The following GBP4 variants were observed in gnomAD, a reference collection of about 807,000 sequenced individuals.
The protein encoded by GBP4 is guanylate binding protein 4.
GBP4 carries 69 observed loss-of-function variants against 62.2 expected under a neutral mutation model. The observed-to-expected ratio is 1.11, with a 90% CI of 0.91 to 1.36. The LOEUF (loss-of-function observed/expected upper bound fraction) is 1.36. Ranked by LOEUF, GBP4 falls within the 40% of genes most tolerant of loss-of-function variation. The pLI is 0.00. For missense variants in GBP4, 697 were observed against 759.3 expected (o/e 0.92, Z 0.96); for synonymous variants, 278 against 274.6 (o/e 1.01, Z -0.12).
At position 89,191,464 on chromosome 1, in the gene GBP4, C is replaced by T. The variant is rs776679511; in HGVS notation, c.713G>A (p.Cys238Tyr). The change falls in exon 6 of 11, where the codon TGT (cysteine) becomes TAT (tyrosine). Residue 238 changes from cysteine (C) to tyrosine (Y), a missense_variant. Cys to Tyr is a radical substitution (Grantham distance 194). Around this residue, in one of 2 missense-constraint regions of GBP4, gnomAD observed 556 missense variants for 562.7 expected, o/e 0.99. Coordinates refer to ENST00000355754, the MANE Select transcript of GBP4 (RefSeq NM_052941.5). ...KIQNSNMPRECIRHFFRKRKC... is the reference protein window; with the variant it reads ...KIQNSNMPREYIRHFFRKRKC... ...CCGTTTTCGGAAGAAATGCCTGATA[C>T]ACTCTCTAGGCATGTTTGAATTTTG... The T allele has an allele frequency of 1.2e-6, 2 of 1,613,718 alleles. No individual in the cohort carries two copies. The highest frequency in any genetic ancestry group is 1.7e-6 in the Non-Finnish European group (2 of 1,179,556).
intron 9 of GBP4, 39 bp from the exon 10 acceptor site, chr1:89,186,565 G>A: frequency 6.3e-7 from 1 of 1,582,774 alleles, no homozygotes; most frequent in Non-Finnish European, 8.6e-7. Context: ...GAAAATGACA[G>A]TTATTCCTGA....
chr1:89,197,079 T>C, intron 2 of GBP4, 31 bp downstream of exon 2: 1 of 1,572,850 alleles, frequency 6.4e-7, no homozygotes, highest in Non-Finnish European at 8.7e-7. Flanking sequence ...TGGTTCCAAG[T>C]AAATGGCTCC....
rs958211425 is a variant in GBP4, at chr1:89,187,656, T to C, written c.1411-554A>G. ...CAAAAATAAACACTCAAAAAACCAATAAATATATTAAAAAATGAGCAAAGA... is the reference window on the plus strand; with the variant it reads ...CAAAAATAAACACTCAAAAAACCAACAAATATATTAAAAAATGAGCAAAGA... On this transcript the variant is annotated intron_variant, in intron 8 of 10. Coordinates refer to ENST00000355754, the MANE Select transcript of GBP4 (RefSeq NM_052941.5). Among the ~76,000 whole-genome samples the C allele has an allele frequency of 3.3e-5, 5 of 151,812 alleles. No homozygotes were observed. The South Asian group carries it at 8.3e-4, about 25-fold the overall frequency.
At chr1:89,195,080 T>G (rs770480782) in intron 3 of GBP4, among the ~76,000 whole-genome samples, 117 of 152,356 alleles carry the variant, frequency 7.7e-4, no homozygotes, top group South Asian at 3.3e-3. Context: ...ACATATTTAT[T>G]AAATTATATC....
intron 8 of GBP4, among the ~76,000 whole-genome samples, chr1:89,187,615 T>C (rs1648070257): frequency 6.6e-6 from 1 of 151,684 alleles, no homozygotes; most frequent in Non-Finnish European, 1.5e-5. Flanking sequence ...CAAAAGGAAA[T>C]CATATAACTA....
intron 2 of GBP4, among the ~76,000 whole-genome samples, 197 bp downstream of exon 2, chr1:89,196,913 G>A (rs530442632): frequency 7.9e-4 from 121 of 152,326 alleles, no homozygotes; most frequent in East Asian, 1.4e-3. Flanking sequence ...CGGATCTTTC[G>A]ATAGGGTTGA....
chr1:89,189,026 G>C (rs1648114020), intron 7 of GBP4, among the ~76,000 whole-genome samples: 1 of 152,218 alleles, frequency 6.6e-6, no homozygotes, highest in Non-Finnish European at 1.5e-5. Context: ...GTGGTTAGAA[G>C]ACATAAACTC....
chr1:89,194,514 G>T (rs1025039616), intron 3 of GBP4, among the ~76,000 whole-genome samples: 2 of 152,110 alleles, frequency 1.3e-5, no homozygotes, highest in African/African-American at 4.8e-5. Context: ...TTGCTAAGTT[G>T]GTGCTTCCTT....
chr1:89,189,581 C>T (rs1648125534), intron 7 of GBP4, among the ~76,000 whole-genome samples: 1 of 152,168 alleles, frequency 6.6e-6, no homozygotes, highest in Admixed American at 6.5e-5. Flanking sequence ...TCACATGAGC[C>T]CCTTAAAAGT....
chr1:89,193,917 G>C (rs945170798), intron 3 of GBP4, among the ~76,000 whole-genome samples: 1 of 152,124 alleles, frequency 6.6e-6, no homozygotes, highest in Non-Finnish European at 1.5e-5. Context: ...AATCACTGCT[G>C]GGGGAGGAAA....
At chr1:89,194,353 TTATGTTTTGA>T (rs554704373) in intron 3 of GBP4, among the ~76,000 whole-genome samples, 1 of 152,160 alleles carries the variant, frequency 6.6e-6, no homozygotes, top group Non-Finnish European at 1.5e-5. Context: ...TGCCATCAGT[TTATGTTTTGA>T]TATGTTTTGA....
chr1:89,187,208 G>A (rs1648059566), intron 8 of GBP4, 106 bp from the exon 9 acceptor site: 1 of 867,080 alleles, frequency 1.2e-6, no homozygotes, highest in African/African-American at 1.7e-5. Context: ...TGTAAACTTT[G>A]CATAATTCTT....
rs991599312 is a variant in GBP4, at chr1:89,184,057, A to C, written c.*1197T>G. 2.4e-4 allele frequency: 36 copies of C among 152,246 alleles called. No individual in the cohort carries two copies. Among genetic ancestry groups the C allele is most frequent in the African/African-American group, 8.7e-4 (36 of 41,470 alleles). The allele number at this position is 152,246 out of a possible 1,614,324, so 9.4% of individuals were successfully genotyped here. On this transcript the variant is annotated 3_prime_UTR_variant, in exon 11 of 11. Transcript: ENST00000355754. ...ACCCCATTAAAAAGAAAGTGGGCAA[A>C]GAACATGAACACATTTCAAAAGAAG...
At chr1:89,187,724 A>G (rs1338660493) in intron 8 of GBP4, among the ~76,000 whole-genome samples, 1 of 152,232 alleles carries the variant, frequency 6.6e-6, no homozygotes, top group East Asian at 1.9e-4. Flanking sequence ...GCCAACAGGT[A>G]TGTGAAAGCA....
At position 89,190,264 on chromosome 1, in the gene GBP4, G is replaced by C; in HGVS notation, c.971C>G (p.Pro324Arg). The C allele has an allele frequency of 6.2e-7, 1 of 1,614,060 alleles. No homozygotes were observed. The highest frequency in any genetic ancestry group is 1.1e-5 in the South Asian group (1 of 91,074). ...TGCTGTCACTGCATTCTCCAGACAA[G>C]GTACTGCTCCACTGTTGATGGCATC... is the stretch of plus-strand genomic sequence containing the variant. ...YVDAINSGAV[P>R]CLENAVTALA... Residue 324 changes from proline to arginine, a missense_variant, in exon 7 of 11, where the codon CCT becomes CGT. Coordinates refer to ENST00000355754, the MANE Select transcript of GBP4 (RefSeq NM_052941.5).
At chr1:89,187,389 G>T (rs947941358) in intron 8 of GBP4, among the ~76,000 whole-genome samples, 1 of 151,982 alleles carries the variant, frequency 6.6e-6, no homozygotes, top group African/African-American at 2.4e-5. Flanking sequence ...CAGACAACCC[G>T]ACAACATAAA....
rs755443191 is a variant in GBP4 at position 89,190,330 on chromosome 1, A to G, written c.917-12T>C. The G allele has an allele frequency of 2.7e-5, 43 of 1,564,334 alleles. No homozygotes were observed. Among genetic ancestry groups the G allele is most frequent in the Non-Finnish European group, 3.6e-5 (41 of 1,149,350 alleles). ...CAGAGTCCCCAGCCCTGAATCACAT[A>G]TATTTAGGGAAAATTTACAGTTCTT... On this transcript the variant is annotated splice_polypyrimidine_tract_variant and intron_variant, in intron 6 of 10. Coordinates refer to ENST00000355754, the MANE Select transcript of GBP4 (RefSeq NM_052941.5).
In GBP4 at chr1:89,183,265, A is replaced by G. The variant is rs541087253; in HGVS notation, c.*1989T>C. 7.9e-5 allele frequency: 12 copies of G among 152,312 alleles called. No homozygotes were observed. Among genetic ancestry groups the G allele is most frequent in the Non-Finnish European group, 1.8e-4 (12 of 68,024 alleles). 9.4% of individuals were successfully genotyped at this position (152,312 alleles called of 1,614,324 possible). ...AATGCTGTACACCTACAATCATCTG[A>G]TCTTGGACAAAGCTGACAAAAACAA... is the stretch of plus-strand genomic sequence containing the variant. On this transcript the variant is annotated 3_prime_UTR_variant, in exon 11 of 11. Coordinates refer to ENST00000355754, the MANE Select transcript of GBP4 (RefSeq NM_052941.5).
chr1:89,195,489 C>A, intron 2 of GBP4, 65 bp from the exon 3 acceptor site: 3 of 1,584,644 alleles, frequency 1.9e-6, no homozygotes, highest in Non-Finnish European at 1.7e-6. Context: ...CAGGATTACA[C>A]CGGTTAAACT....
Sources: allele counts gnomAD v4.1 joint callset (sites outside exome capture counted in the v4.1 genomes callset), GRCh38; gene constraint gnomAD v4.1.1; regional missense constraint gnomAD v4.1.1; transcripts MANE v1.5; gene names NCBI Gene and HGNC (gene_info 2026-07-23, HGNC 2026-07-21).